GAB3: variants seen among roughly 807,000 people sequenced by gnomAD.
GAB3 encodes GRB2-associated-binding protein 3.
GAB3 carries 12 observed loss-of-function variants against 40.4 expected under a neutral mutation model. The observed-to-expected ratio is 0.30, with a 90% CI of 0.19 to 0.48. The LOEUF (loss-of-function observed/expected upper bound fraction) is 0.48. GAB3 is among the 20% of genes least tolerant of loss of function. GAB3 has a pLI of 0.99. For synonymous variants in GAB3, 154 were observed against 176.7 expected, an observed-to-expected ratio of 0.87 and a Z score of 1.02; for missense variants, 381 against 461.9, an observed-to-expected ratio of 0.82 and a Z score of 1.61.
At chrX:154,718,324 T>A (rs1557258045) in intron 1 of GAB3, among the ~76,000 whole-genome samples, 1 of 108,465 alleles carries the variant, frequency 9.2e-6, no homozygotes, top group Non-Finnish European at 1.9e-5. Flanking sequence ...AGTCACTCCA[T>A]GTCAGGTTGG....
At chrX:154,749,573 T>G (rs1249594648) in intron 1 of GAB3, among the ~76,000 whole-genome samples, 1 of 112,629 alleles carries the variant, frequency 8.9e-6, no homozygotes, top group African/African-American at 3.2e-5. Context: ...CCTGTGCTTA[T>G]GGACTCCTGG....
In GAB3 at chrX:154,716,172, C is replaced by T. The variant is rs192809458; in HGVS notation, c.230G>A (p.Arg77Gln). The change falls in exon 2 of 10, where the codon CGG (arginine) becomes CAG (glutamine). Residue 77 changes from arginine (R) to glutamine (Q), a missense_variant. This residue lies in a region of GAB3 where 364 missense variants were observed against 421.0 expected (regional missense o/e 0.86). Transcript: ENST00000424127. ...CACGAAATTATTCTGAAATTCCTTCCGAACAAAGCTGGGGCCCACATGCTT... is the reference window on the plus strand; with the variant it reads ...CACGAAATTATTCTGAAATTCCTTCTGAACAAAGCTGGGGCCCACATGCTT... ...VWKHVGPSFV[R>Q]KEFQNNFVFI... The T allele has an allele frequency of 5.0e-6, 6 of 1,211,295 alleles. No individual in the cohort carries two copies. Among genetic ancestry groups the T allele is most frequent in the East Asian group, 5.9e-5 (2 of 33,801 alleles).
At chrX:154,751,290 G>C (rs1202374145), upstream of GAB3, among the ~76,000 whole-genome samples, 7 of 92,069 alleles carry the variant, frequency 7.6e-5, 1 homozygote, top group African/African-American at 1.8e-4. Context: ...TGCCCGGGGG[G>C]GGGGTGTGGG....
At chrX:154,685,611 C>CA (rs1332881522) in intron 8 of GAB3, among the ~76,000 whole-genome samples, 15 of 107,861 alleles carry the variant, frequency 1.4e-4, no homozygotes, top group South Asian at 3.9e-4. Context: ...AGAAAAAAAA[C>CA]AAAAAAAACC....
intron 8 of GAB3, among the ~76,000 whole-genome samples, chrX:154,683,284 A>T (rs1346068753): frequency 3.6e-5 from 4 of 112,281 alleles, no homozygotes; most frequent in Non-Finnish European, 7.5e-5. Flanking sequence ...AGCCCAGAGA[A>T]ATATTTTCTA....
intron 1 of GAB3, among the ~76,000 whole-genome samples, chrX:154,740,905 C>A (rs782538297): frequency 1.3e-4 from 15 of 112,099 alleles, no homozygotes; most frequent in Non-Finnish European, 2.4e-4. Flanking sequence ...CTGTGCATTG[C>A]AGAACATTTA....
In GAB3 at chrX:154,695,908, T is replaced by G; in HGVS notation, c.1530+9A>C. On this transcript the variant is annotated intron_variant, in intron 8 of 9. Coordinates refer to ENST00000424127, the MANE Select transcript of GAB3 (RefSeq NM_001081573.3). ...AAGGATAAGAAGAGTGTGAAAAATA[T>G]AAGATTACCATTTCGATGTAGCTTT... 9.1e-7 allele frequency: 1 copy of G among 1,095,937 alleles called. No individual in the cohort carries two copies. The highest frequency in any genetic ancestry group is 1.3e-6 in the Non-Finnish European group (1 of 793,763). The allele number at this position is 1,095,937 out of a possible 1,213,427, so 90.3% of individuals were successfully genotyped here.
intron 2 of GAB3, among the ~76,000 whole-genome samples, chrX:154,715,468 C>T (rs2071033359): frequency 1.8e-5 from 2 of 109,799 alleles, no homozygotes; most frequent in Admixed American, 9.7e-5. Context: ...CTGGGGTACT[C>T]TTCATGGGTC....
chrX:154,750,133 A>G (rs1442593358), intron 1 of GAB3, among the ~76,000 whole-genome samples: 2 of 112,838 alleles, frequency 1.8e-5, no homozygotes, highest in East Asian at 5.5e-4. Context: ...AAGTCCTAAT[A>G]GCTATTTATA....
rs2070706185 is a variant in GAB3 at position 154,699,357 on chromosome X, G to A, written c.1282C>T (p.Pro428Ser). 8.3e-7 allele frequency: 1 copy of A among 1,209,389 alleles called. No homozygotes were observed. Among genetic ancestry groups the A allele is most frequent in the Non-Finnish European group, 1.1e-6 (1 of 894,844 alleles). Reference protein sequence around the residue: ...MNSGSISSPLPELPANLEPPP... With the variant: ...MNSGSISSPLSELPANLEPPP... The stretch of plus-strand genomic sequence containing the variant: ...GGTTCCAGGTTTGCAGGCAGCTCAG[G>A]CAACGGGCTTGAGATGCTTCCTGAG... Residue 428 changes from proline (P) to serine (S), a missense_variant, in exon 6 of 10, where the codon CCT (proline) becomes TCT (serine). By Grantham distance (74) the Pro-to-Ser change is moderately conservative. Around this residue, in one of 2 missense-constraint regions of GAB3, gnomAD observed 364 missense variants for 421.0 expected, o/e 0.86. Transcript: ENST00000424127.
intron 4 of GAB3, among the ~76,000 whole-genome samples, chrX:154,700,380 G>T (rs782377988): frequency 1.9e-4 from 21 of 111,222 alleles, no homozygotes; most frequent in Non-Finnish European, 3.6e-4. Flanking sequence ...TCCTTGTAAC[G>T]AGCAGGAGAA....
At chrX:154,737,964 T>C (rs2071387205) in intron 1 of GAB3, among the ~76,000 whole-genome samples, 1 of 112,003 alleles carries the variant, frequency 8.9e-6, no homozygotes, top group South Asian at 3.7e-4. Flanking sequence ...CACTCCAGCC[T>C]GGGCAACAGA....
intron 7 of GAB3, among the ~76,000 whole-genome samples, chrX:154,696,525 G>A (rs1557250806): frequency 9.0e-6 from 1 of 111,316 alleles, no homozygotes; most frequent in Non-Finnish European, 1.9e-5. Flanking sequence ...GTGGCATTTA[G>A]AGTGAACCGA....
intron 8 of GAB3, among the ~76,000 whole-genome samples, chrX:154,690,835 T>C (rs1190788488): frequency 5.5e-5 from 6 of 108,534 alleles, no homozygotes; most frequent in Non-Finnish European, 5.7e-5. Context: ...GTAAACTAGT[T>C]CAACCATTGT....
intron 4 of GAB3, among the ~76,000 whole-genome samples, chrX:154,701,662 AAGTTGC>A (rs2070741626): frequency 8.9e-6 from 1 of 112,234 alleles, no homozygotes; most frequent in South Asian, 3.7e-4. Context: ...AAATTCAGTA[AAGTTGC>A]AGGCCACAAA....
At chrX:154,696,134 T>A (rs1348613563) in intron 7 of GAB3, 115 bp from the exon 8 acceptor site, 13 of 393,922 alleles carry the variant, frequency 3.3e-5, no homozygotes, top group African/African-American at 3.3e-4. Flanking sequence ...AGACACAACT[T>A]CCTTCCGGCC....
At chrX:154,720,048 C>A (rs781870088) in intron 1 of GAB3, among the ~76,000 whole-genome samples, 16 of 110,447 alleles carry the variant, frequency 1.4e-4, no homozygotes, top group African/African-American at 5.3e-4. Flanking sequence ...TTCAATCCTC[C>A]GAGACATCTG....
chrX:154,712,288 C>T lies in GAB3; in HGVS notation c.1010G>A (p.Cys337Tyr), dbSNP rs782297104. 2.5e-6 allele frequency: 3 copies of T among 1,209,563 alleles called. No individual in the cohort carries two copies. Among genetic ancestry groups the T allele is most frequent in the Non-Finnish European group, 3.4e-6 (3 of 894,231 alleles). Residue 337 changes from cysteine (C) to tyrosine (Y), a missense_variant, in exon 4 of 10, where the codon TGC becomes TAC. Cys to Tyr is a radical substitution (Grantham distance 194). This residue lies in a region of GAB3 where 364 missense variants were observed against 421.0 expected (regional missense o/e 0.86). Coordinates refer to ENST00000424127, the MANE Select transcript of GAB3 (RefSeq NM_001081573.3). ...GGAGATTCTTCTTGGAACCAGAGTG[C>T]ATTCTGGCTTCTTGCTACCACTGTG... ...STHSGSKKPE[C>Y]TLVPRRISLS...
chrX:154,715,357 G>A (rs183894804), intron 2 of GAB3, among the ~76,000 whole-genome samples: 2 of 110,567 alleles, frequency 1.8e-5, no homozygotes, highest in African/African-American at 6.6e-5. Flanking sequence ...TGTAACCCTA[G>A]GTTACAATAT....
Sources: allele counts gnomAD v4.1 joint callset (sites outside exome capture counted in the v4.1 genomes callset), GRCh38; gene constraint gnomAD v4.1.1; regional missense constraint gnomAD v4.1.1; transcripts MANE v1.5; gene names NCBI Gene and HGNC (gene_info 2026-07-23, HGNC 2026-07-21).